DIPK1A: variants seen among roughly 807,000 people sequenced by gnomAD.
DIPK1A encodes divergent protein kinase domain 1A.
DIPK1A carries 27 observed loss-of-function variants against 40.8 expected under a neutral mutation model. That is an observed-to-expected ratio of 0.66 (90% CI 0.49 to 0.91). DIPK1A has a LOEUF of 0.91. Ranked by LOEUF, DIPK1A falls within the 40% of genes least tolerant of loss-of-function variation. The pLI is 0.00. For missense variants in DIPK1A, 412 were observed against 505.7 expected (o/e 0.81, Z 1.78); for synonymous variants, 166 against 171.3 (o/e 0.97, Z 0.24).
At chr1:92,894,220 A>G (rs1004141858) in intron 1 of DIPK1A, among the ~76,000 whole-genome samples, 5 of 152,090 alleles carry the variant, frequency 3.3e-5, no homozygotes, top group Non-Finnish European at 7.3e-5. Flanking sequence ...GCACCACACC[A>G]CACCTATTCC....
intron 2 of DIPK1A, among the ~76,000 whole-genome samples, chr1:92,869,835 C>T (rs1647746388): frequency 6.6e-6 from 1 of 152,004 alleles, no homozygotes; most frequent in South Asian, 2.1e-4. Context: ...TGCACTAATA[C>T]AGAGGGAGAG....
intron 4 of DIPK1A, among the ~76,000 whole-genome samples, chr1:92,845,269 A>C (rs1422937517): frequency 6.8e-6 from 1 of 146,668 alleles, no homozygotes; most frequent in Non-Finnish European, 1.5e-5. Context: ...CCTTTAAATT[A>C]AAAAAATAAT....
chr1:92,835,035 G>C lies in DIPK1A; in HGVS notation c.475-2001C>G. Reference sequence around the variant, plus strand: ...TGCTTCAGGAGAGTGCTTGCTTCCAGTTTTCTGCTTTGTTAATGGATCTAT... The same window carrying C: ...TGCTTCAGGAGAGTGCTTGCTTCCACTTTTCTGCTTTGTTAATGGATCTAT... On this transcript the variant is annotated intron_variant, in intron 4 of 4. Coordinates refer to the DIPK1A transcript ENST00000615519. 6 of 1,414,420 alleles carry C rather than the reference G, an allele frequency of 4.2e-6. No homozygotes were observed. In the South Asian group the frequency reaches 6.9e-5, roughly 16 times the overall value. 87.6% of individuals were successfully genotyped at this position (1,414,420 alleles called of 1,614,324 possible).
rs1687457433 is a variant in DIPK1A, at chr1:92,843,435, T to C, written c.1235A>G (p.Asn412Ser). The C allele has an allele frequency of 1.3e-6, 2 of 1,550,654 alleles. No homozygotes were observed. Among genetic ancestry groups the C allele is most frequent in the Non-Finnish European group, 1.7e-6 (2 of 1,146,564 alleles). The change falls in exon 5 of 5, where the codon AAT becomes AGT. Residue 412 changes from asparagine to serine, a missense_variant. Physicochemically the swap from Asn to Ser is conservative, Grantham distance 46. Transcript: ENST00000370310. ...CTTCCACAATAATGTTTTTAGGTTA[T>C]TTAGTATCAAAGAATGTTCCATTTC... is the stretch of plus-strand genomic sequence containing the variant. ...QMEMEHSLIL[N>S]NLKTLLWKKI...
intron 4 of DIPK1A, among the ~76,000 whole-genome samples, chr1:92,834,280 AGGTTT>A (rs1425873694): frequency 6.6e-6 from 1 of 152,218 alleles, no homozygotes; most frequent in Non-Finnish European, 1.5e-5. Context: ...TCTTTGAAAT[AGGTTT>A]TAATAAAATG....
intron 1 of DIPK1A, among the ~76,000 whole-genome samples, chr1:92,882,877 T>G (rs1320105404): frequency 1.3e-5 from 2 of 152,228 alleles, no homozygotes; most frequent in Non-Finnish European, 2.9e-5. Context: ...AGACTTAGAA[T>G]GTTTGAAAGA....
intron 1 of DIPK1A, among the ~76,000 whole-genome samples, chr1:92,892,762 A>C (rs2100805226): frequency 6.6e-6 from 1 of 152,192 alleles, no homozygotes; most frequent in South Asian, 2.1e-4. Flanking sequence ...AAAAAAGATT[A>C]GATGAATGGC....
chr1:92,915,485 G>A (rs1027562067), intron 1 of DIPK1A, among the ~76,000 whole-genome samples: 2 of 152,124 alleles, frequency 1.3e-5, no homozygotes, highest in Admixed American at 6.5e-5. Flanking sequence ...AAATAATACA[G>A]GAACTTCATT....
intron 1 of DIPK1A, among the ~76,000 whole-genome samples, chr1:92,943,499 A>G (rs1169604917): frequency 6.6e-6 from 1 of 152,168 alleles, no homozygotes; most frequent in Admixed American, 6.5e-5. Context: ...CTGGAACTGC[A>G]CTGGTTGGCA....
intron 4 of DIPK1A, chr1:92,833,729 T>C: frequency 8.0e-7 from 1 of 1,252,302 alleles, no homozygotes; most frequent in Non-Finnish European, 1.2e-6. Flanking sequence ...GCAAAGCACA[T>C]GGTGTGTGTG....
chr1:92,922,537 C>T (rs958672316), intron 1 of DIPK1A, among the ~76,000 whole-genome samples: 1 of 152,150 alleles, frequency 6.6e-6, no homozygotes, highest in African/African-American at 2.4e-5. Context: ...TCTGCAGACT[C>T]ATCCATGGAC....
At chr1:92,856,655 T>G (rs897383917) in intron 2 of DIPK1A, among the ~76,000 whole-genome samples, 5 of 152,074 alleles carry the variant, frequency 3.3e-5, no homozygotes, top group African/African-American at 4.8e-5. Flanking sequence ...GACCTCAGGT[T>G]ATCCACCCGC....
rs370080514 is a variant in DIPK1A at position 92,846,882 on chromosome 1, TACACACACAC to T, written c.474+291_474+300del. Among the ~76,000 whole-genome samples the T allele has an allele frequency of 7.4e-3, 12 of 1,632 alleles. 4 individuals are homozygous for T. Among genetic ancestry groups the T allele is most frequent in the East Asian group, 0.045 (2 of 44 alleles). 1.1% of individuals were successfully genotyped at this position (1,632 alleles called of 152,430 possible). On this transcript the variant is annotated intron_variant, in intron 4 of 4. Coordinates refer to ENST00000370310, the MANE Select transcript of DIPK1A (RefSeq NM_001006605.5). ...ATGTGTGTATATATATATATATATA[TACACACACAC>T]GTATATATATATATACGTGTATATA... is the stretch of plus-strand genomic sequence containing the variant.
chr1:92,903,778 G>A (rs1316120202), intron 1 of DIPK1A, among the ~76,000 whole-genome samples: 2 of 152,172 alleles, frequency 1.3e-5, no homozygotes, highest in East Asian at 3.8e-4. Context: ...AAGATAGGCC[G>A]TCAGGTTATG....
intron 1 of DIPK1A, chr1:92,931,760 C>T (rs1650758534): frequency 6.1e-6 from 1 of 163,590 alleles, no homozygotes; most frequent in African/African-American, 2.4e-5. Context: ...ATTGGAGGTT[C>T]TGAAATCTCA....
chr1:92,939,763 G>A (rs574043781), intron 1 of DIPK1A, among the ~76,000 whole-genome samples: 1 of 152,280 alleles, frequency 6.6e-6, no homozygotes, highest in South Asian at 2.1e-4. Context: ...AGACCAGCCT[G>A]GCCAACATAG....
At position 92,847,365 on chromosome 1, in the gene DIPK1A, TA is replaced by T. The variant is rs988213629; in HGVS notation, c.298-7del. The T allele has an allele frequency of 6.3e-7, 1 of 1,588,074 alleles. No individual in the cohort carries two copies. The highest frequency in any genetic ancestry group is 8.6e-7 in the Non-Finnish European group (1 of 1,167,536). On this transcript the variant is annotated splice_polypyrimidine_tract_variant and splice_region_variant and intron_variant, in intron 3 of 4. Transcript: ENST00000370310. The stretch of plus-strand genomic sequence containing the variant: ...TCCCAAATCCCTAAATACATCTATG[TA>T]AAAAAGAGTGGCAAGTTATGTATTA...
intron 2 of DIPK1A, among the ~76,000 whole-genome samples, chr1:92,859,327 C>T (rs1414654960): frequency 6.6e-6 from 1 of 152,144 alleles, no homozygotes; most frequent in East Asian, 1.9e-4. Flanking sequence ...AAATCTTCAC[C>T]ATTTTCTAGA....
chr1:92,927,474 T>C (rs996473353), intron 1 of DIPK1A, among the ~76,000 whole-genome samples: 4 of 148,918 alleles, frequency 2.7e-5, no homozygotes, highest in South Asian at 4.4e-4. Flanking sequence ...CCCCAAGTGC[T>C]GGGATTACAG....
Sources: allele counts gnomAD v4.1 joint callset (sites outside exome capture counted in the v4.1 genomes callset), GRCh38; gene constraint gnomAD v4.1.1; transcripts MANE v1.5; gene names NCBI Gene and HGNC (gene_info 2026-07-23, HGNC 2026-07-21).